Variants in CPD observed in about 807,000 individuals in gnomAD.
The protein encoded by CPD is metallocarboxypeptidase D.
CPD carries 69 observed loss-of-function variants against 138.3 expected under a neutral mutation model. The ratio of observed to expected loss-of-function variants is 0.50; its 90% CI spans 0.41 to 0.61. CPD has a LOEUF of 0.61. Among genes scored for constraint, CPD ranks in the 20% least tolerant of loss-of-function variants. The probability of loss-of-function intolerance (pLI) is 0.00; values close to 1 mark genes in which losing one functional copy is unlikely to be tolerated. For missense variants in CPD, 1,432 were observed against 1,733.3 expected (o/e 0.83, Z 3.09); for synonymous variants, 651 against 642.1 (o/e 1.01, Z -0.21).
intron 8 of CPD, among the ~76,000 whole-genome samples, chr17:30,432,164 T>G (rs1056034900): frequency 9.2e-5 from 14 of 152,200 alleles, no homozygotes; most frequent in African/African-American, 3.4e-4. Flanking sequence ...CCCAGTAAAG[T>G]AGGCCAAGAT....
chr17:30,420,765 G>A (rs1412936290), intron 2 of CPD, 76 bp from the exon 3 acceptor site: 2 of 1,346,422 alleles, frequency 1.5e-6, no homozygotes, highest in Non-Finnish European at 2.0e-6. Context: ...AGAGATGGCT[G>A]ATTTAATTTC....
intron 17 of CPD, 74 bp from the exon 18 acceptor site, chr17:30,461,106 G>C: frequency 1.7e-6 from 2 of 1,189,102 alleles, no homozygotes; most frequent in Non-Finnish European, 2.3e-6. Flanking sequence ...TACTCCATTT[G>C]TTGTATTACA....
chr17:30,447,994 G>A (rs574046470), intron 12 of CPD, among the ~76,000 whole-genome samples: 2 of 152,198 alleles, frequency 1.3e-5, no homozygotes, highest in South Asian at 4.1e-4. Context: ...TTTTTACTTT[G>A]TCTTTCTTCA....
intron 17 of CPD, among the ~76,000 whole-genome samples, chr17:30,458,120 G>T (rs1913347799): frequency 6.6e-6 from 1 of 151,952 alleles, no homozygotes; most frequent in Non-Finnish European, 1.5e-5. Flanking sequence ...CTTGAACTTG[G>T]GAAGCAGAGG....
intron 2 of CPD, among the ~76,000 whole-genome samples, chr17:30,415,428 C>T (rs535079093): frequency 1.6e-3 from 247 of 152,002 alleles, no homozygotes; most frequent in African/African-American, 5.7e-3. Context: ...TATTGTCCAA[C>T]GTGAAACAGA....
At chr17:30,417,488 G>A (rs1912141476) in intron 2 of CPD, among the ~76,000 whole-genome samples, 1 of 152,078 alleles carries the variant, frequency 6.6e-6, no homozygotes, top group Non-Finnish European at 1.5e-5. Context: ...AATTCAACAT[G>A]CCCCTTTCTG....
Position 30,443,948 on chromosome 17 carries a change from T to TA in CPD, c.2524dup (p.Ile842AsnfsTer9). 5.0e-6 allele frequency: 8 copies of TA among 1,613,874 alleles called. No individual in the cohort carries two copies. Among genetic ancestry groups the TA allele is most frequent in the Non-Finnish European group, 6.8e-6 (8 of 1,179,832 alleles). Reference sequence around the variant, plus strand: ...GGCGTCTCTTGGTTCCAGGAACTTATAAAATCACAGCATCTGCTCGAGGGT... The same window carrying TA: ...GGCGTCTCTTGGTTCCAGGAACTTATAAAAATCACAGCATCTGCTCGAGGGT... On this transcript the variant is annotated frameshift_variant, in exon 11 of 21. Coordinates refer to ENST00000225719, the MANE Select transcript of CPD (RefSeq NM_001304.5). LOFTEE classifies it high-confidence loss of function.
chr17:30,392,551 T>C (rs1911387643), intron 2 of CPD, among the ~76,000 whole-genome samples: 1 of 152,214 alleles, frequency 6.6e-6, no homozygotes, highest in African/African-American at 2.4e-5. Flanking sequence ...TACATTCTGG[T>C]ATTATTTCTT....
intron 2 of CPD, among the ~76,000 whole-genome samples, chr17:30,390,675 G>A (rs1285427128): frequency 6.6e-6 from 1 of 152,164 alleles, no homozygotes; most frequent in Non-Finnish European, 1.5e-5. Context: ...ATATCTAGCT[G>A]CCTATGTGGG....
chr17:30,461,804 A>G (rs902952424), intron 18 of CPD, 73 bp from the exon 19 acceptor site: 25 of 1,283,214 alleles, frequency 1.9e-5, no homozygotes, highest in Non-Finnish European at 2.7e-5. Flanking sequence ...GGTTTTGGTC[A>G]TGCCTCAAGC....
At chr17:30,451,957 T>G in intron 14 of CPD, 111 bp downstream of exon 14, 3 of 1,020,460 alleles carry the variant, frequency 2.9e-6, no homozygotes, top group Non-Finnish European at 4.2e-6. Flanking sequence ...CTTGTCTGGG[T>G]TATGAATGTG....
rs1401972536 is a variant in CPD at position 30,416,821 on chromosome 17, G to A, written c.995-4020G>A. Among the ~76,000 whole-genome samples, 4 of 152,096 alleles carry A rather than the reference G, an allele frequency of 2.6e-5. No individual in the cohort carries two copies. The East Asian group carries it at 7.7e-4, about 29-fold the overall frequency. ...CACATCACTCTACTTAAATTTTCTA[G>A]GCCGGGCGCGGTGGCTCACGCCTGT... On this transcript the variant is annotated intron_variant, in intron 2 of 20. Coordinates refer to ENST00000225719, the MANE Select transcript of CPD (RefSeq NM_001304.5).
Position 30,379,613 on chromosome 17 carries a change from T to C in CPD, c.633T>C (p.Ser211=). 6.9e-7 allele frequency: 1 copy of C among 1,445,842 alleles called. No individual in the cohort carries two copies. Among genetic ancestry groups the C allele is most frequent in the Non-Finnish European group, 9.0e-7 (1 of 1,110,530 alleles). 89.6% of individuals were successfully genotyped at this position (1,445,842 alleles called of 1,614,324 possible). ...GPSGASGRDN[S]RGRDLNRSFP... ...CCGGGGCCAGCGGCCGCGACAATAG[T>C]CGCGGCCGCGACCTCAACCGAAGCT... The change falls in exon 1 of 21, where the codon AGT becomes AGC. Residue 211 remains serine (S), a synonymous_variant. Coordinates refer to ENST00000225719, the MANE Select transcript of CPD (RefSeq NM_001304.5). The surrounding 1 kb of genome is among the most constrained non-coding windows in gnomAD (Gnocchi z 7.0).
chr17:30,445,358 A>C (rs1293243691), intron 11 of CPD, among the ~76,000 whole-genome samples: 1 of 151,980 alleles, frequency 6.6e-6, no homozygotes, highest in Non-Finnish European at 1.5e-5. Context: ...CCAGCTACTC[A>C]GGAGGCTGAG....
At chr17:30,458,635 G>A (rs1913364080) in intron 17 of CPD, among the ~76,000 whole-genome samples, 1 of 152,106 alleles carries the variant, frequency 6.6e-6, no homozygotes, top group South Asian at 2.1e-4. Context: ...GGGAGGCCAA[G>A]GTGGGTGGAT....
At chr17:30,453,816 C>A (rs1913225117) in intron 14 of CPD, among the ~76,000 whole-genome samples, 1 of 152,204 alleles carries the variant, frequency 6.6e-6, no homozygotes, top group Non-Finnish European at 1.5e-5. Context: ...AACATCAATT[C>A]TTGACTTTTT....
Position 30,438,974 on chromosome 17 carries a change from G to C in CPD, c.2128-1G>C. On this transcript the variant is annotated splice_acceptor_variant, in intron 8 of 20. Transcript: ENST00000225719. LOFTEE classifies it high-confidence loss of function. ...AGTAAAGATTCTTTTTGTTTTTCCA[G>C]GAAAATTCCCAGATGTTTCAAGGTA... 6.5e-7 allele frequency: 1 copy of C among 1,528,686 alleles called. No homozygotes were observed. The highest frequency in any genetic ancestry group is 8.8e-7 in the Non-Finnish European group (1 of 1,138,538). The allele number at this position is 1,528,686 out of a possible 1,614,324, so 94.7% of individuals were successfully genotyped here.
Position 30,451,378 on chromosome 17 carries a change from T to A in CPD, c.3070-333T>A, listed in dbSNP as rs1913162037. ...ACTCTGCCATTAGAGCACAAAACAG[T>A]CATATGTAAATGAATAGTCATGCTT... On this transcript the variant is annotated intron_variant, in intron 13 of 20. Transcript: ENST00000225719. 2.0e-5 allele frequency among the ~76,000 whole-genome samples: 3 copies of A among 152,258 alleles called. No individual in the cohort carries two copies. The South Asian group carries it at 6.2e-4, about 32-fold the overall frequency.
chr17:30,390,965 G>A (rs1338069120), intron 2 of CPD, among the ~76,000 whole-genome samples: 1 of 151,846 alleles, frequency 6.6e-6, no homozygotes, highest in Non-Finnish European at 1.5e-5. Flanking sequence ...GAGTAGCTGA[G>A]GTTACGGGCA....
Sources: gnomAD v4.1 joint callset for allele counts (sites outside exome capture counted in the v4.1 genomes callset) on GRCh38, gnomAD v4.1.1 for gene constraint, Gnocchi (gnomAD v3.1) non-coding constraint, MANE v1.5 for transcripts, NCBI Gene and HGNC (gene_info 2026-07-23, HGNC 2026-07-21) for gene names.